CMTM8: variants seen among roughly 807,000 people sequenced by gnomAD.
The protein encoded by CMTM8 is CKLF like MARVEL transmembrane domain containing 8, also known as CKLF-like MARVEL transmembrane domain-containing protein 8.
In CMTM8, 12 loss-of-function variants were observed where a neutral mutation model predicts 18.6. That is an observed-to-expected ratio of 0.65 (90% CI 0.41 to 1.05). The LOEUF is 1.05. Ranked by LOEUF, CMTM8 falls within the 50% of genes least tolerant of loss-of-function variation. The probability of loss-of-function intolerance (pLI) is 0.00; values close to 1 mark genes in which losing one functional copy is unlikely to be tolerated. For missense variants in CMTM8, 217 were observed against 227.2 expected (o/e 0.95, Z 0.29); for synonymous variants, 87 against 90.6 (o/e 0.96, Z 0.23).
intron 1 of CMTM8, among the ~76,000 whole-genome samples, chr3:32,278,587 C>T (rs1702556057): frequency 6.6e-6 from 1 of 152,168 alleles, no homozygotes; most frequent in Non-Finnish European, 1.5e-5. Flanking sequence ...TTGTTGCCGC[C>T]TCTGTTTAGA....
chr3:32,333,724 G>A (rs1696327302), intron 1 of CMTM8, among the ~76,000 whole-genome samples: 1 of 151,666 alleles, frequency 6.6e-6, no homozygotes, highest in Non-Finnish European at 1.5e-5. Context: ...GGTGAAAGAT[G>A]AATAGGCAGA....
intron 1 of CMTM8, among the ~76,000 whole-genome samples, chr3:32,239,743 A>G (rs1232839440): frequency 6.6e-6 from 1 of 152,112 alleles, no homozygotes; most frequent in Non-Finnish European, 1.5e-5. Flanking sequence ...AGAGGCTGAA[A>G]ACTCACGTGA....
At chr3:32,243,598 T>C (rs1701974191) in intron 1 of CMTM8, among the ~76,000 whole-genome samples, 1 of 151,992 alleles carries the variant, frequency 6.6e-6, no homozygotes, top group African/African-American at 2.4e-5. Context: ...TCGGACACAT[T>C]TTTGGATAAT....
chr3:32,274,232 C>T (rs543940089), intron 1 of CMTM8, among the ~76,000 whole-genome samples: 1 of 151,808 alleles, frequency 6.6e-6, no homozygotes, highest in South Asian at 2.1e-4. Flanking sequence ...ATTGCTTGAG[C>T]CCAGGAGGTT....
chr3:32,342,041 A>T (rs1316232579), intron 1 of CMTM8, among the ~76,000 whole-genome samples: 4 of 152,068 alleles, frequency 2.6e-5, no homozygotes, highest in South Asian at 2.1e-4. Flanking sequence ...TGAGGTCAGG[A>T]GTTTGAGACC....
chr3:32,248,307 T>C (rs1702067999), intron 1 of CMTM8, among the ~76,000 whole-genome samples: 1 of 152,182 alleles, frequency 6.6e-6, no homozygotes, highest in African/African-American at 2.4e-5. Flanking sequence ...TTATAACCTA[T>C]GAACATGGGA....
chr3:32,340,746 A>G (rs1696477002), intron 1 of CMTM8, among the ~76,000 whole-genome samples: 1 of 152,264 alleles, frequency 6.6e-6, no homozygotes, highest in Non-Finnish European at 1.5e-5. Flanking sequence ...CAAAACAGAC[A>G]GTGAGCCGCA....
chr3:32,328,010 A>G (rs962613186), intron 1 of CMTM8, among the ~76,000 whole-genome samples: 4 of 152,316 alleles, frequency 2.6e-5, no homozygotes, highest in Admixed American at 2.6e-4. Context: ...CAGGGGTTTG[A>G]GACAAGCTTA....
At chr3:32,314,252 T>C (rs975967486) in intron 1 of CMTM8, among the ~76,000 whole-genome samples, 1 of 152,164 alleles carries the variant, frequency 6.6e-6, no homozygotes, top group African/African-American at 2.4e-5. Flanking sequence ...ATTCTGTGGT[T>C]ATTATGACAT....
chr3:32,239,165 C>A lies in CMTM8; in HGVS notation c.147+46C>A, dbSNP rs764739027. ...GGTGGCGGGGGGCTCAGCTGGACCC[C>A]GGCGCGTGCTTCCGCCGTGCTTCTC... On this transcript the variant is annotated intron_variant, in intron 1 of 3. Transcript: ENST00000307526. 4.5e-6 allele frequency: 7 copies of A among 1,547,750 alleles called. No homozygotes were observed. In the Admixed American group the frequency reaches 1.2e-4, roughly 26 times the overall value.
At chr3:32,291,359 C>T (rs919153269) in intron 1 of CMTM8, among the ~76,000 whole-genome samples, 3 of 150,850 alleles carry the variant, frequency 2.0e-5, no homozygotes, top group African/African-American at 7.3e-5. Flanking sequence ...CCGGGATGGT[C>T]TCGATCTCCT....
intron 1 of CMTM8, among the ~76,000 whole-genome samples, chr3:32,318,523 T>C (rs1695974216): frequency 1.3e-5 from 2 of 151,700 alleles, no homozygotes; most frequent in South Asian, 4.2e-4. Context: ...CTGCGCACAA[T>C]AAAATCACAT....
intron 1 of CMTM8, among the ~76,000 whole-genome samples, chr3:32,274,385 C>T (rs186021237): frequency 5.3e-5 from 8 of 152,184 alleles, no homozygotes; most frequent in African/African-American, 1.9e-4. Context: ...AAATTGAAGT[C>T]AGAATTCCTT....
chr3:32,275,310 T>C (rs559733056), intron 1 of CMTM8, among the ~76,000 whole-genome samples: 1 of 152,260 alleles, frequency 6.6e-6, no homozygotes, highest in African/African-American at 2.4e-5. Flanking sequence ...ATGTGATCTT[T>C]TTCTGAGCAG....
intron 1 of CMTM8, among the ~76,000 whole-genome samples, chr3:32,267,955 A>G (rs1162930178): frequency 3.3e-5 from 5 of 152,202 alleles, no homozygotes. Flanking sequence ...CAGGTGCTGG[A>G]GAGGATGTGG....
chr3:32,259,725 A>G (rs4245884), intron 1 of CMTM8: 1 of 1,034,400 alleles, frequency 9.7e-7, no homozygotes, highest in Non-Finnish European at 1.5e-6. Flanking sequence ...GCTCGGAAGA[A>G]CTGAGAGGAG....
Position 32,238,683 on chromosome 3 carries a change from T to G in CMTM8, c.-290T>G. 9.4e-6 allele frequency: 1 copy of G among 106,922 alleles called. No homozygotes were observed. Among genetic ancestry groups the G allele is most frequent in the Non-Finnish European group, 1.9e-5 (1 of 53,048 alleles). 6.6% of individuals were successfully genotyped at this position (106,922 alleles called of 1,614,324 possible). On this transcript the variant is annotated 5_prime_UTR_variant, in exon 1 of 4. Transcript: ENST00000307526. ...CCCGCCCCCTCCCCTCCTCCGGGCC[T>G]CCACCGCCTTCCCCGGCTGCCCGGC...
At chr3:32,299,680 G>A (rs900400241) in intron 1 of CMTM8, among the ~76,000 whole-genome samples, 2 of 151,970 alleles carry the variant, frequency 1.3e-5, no homozygotes, top group South Asian at 2.1e-4. Flanking sequence ...TATCATTGAC[G>A]GTAGTCTTCA....
At chr3:32,269,933 A>G (rs1182379033) in intron 1 of CMTM8, among the ~76,000 whole-genome samples, 1 of 150,258 alleles carries the variant, frequency 6.7e-6, no homozygotes, top group Non-Finnish European at 1.5e-5. Context: ...TTGCACTACC[A>G]TGCCTGGCTA....
Sources: gnomAD v4.1 joint callset for allele counts (sites outside exome capture counted in the v4.1 genomes callset) on GRCh38, gnomAD v4.1.1 for gene constraint, MANE v1.5 for transcripts, NCBI Gene and HGNC (gene_info 2026-07-23, HGNC 2026-07-21) for gene names.